Variants in TRPM5 observed in about 807,000 individuals in gnomAD.
TRPM5 encodes the protein transient receptor potential cation channel subfamily M member 5.
Under a neutral mutation model 124.9 loss-of-function variants are expected in TRPM5, and 121 were observed. The ratio of observed to expected loss-of-function variants is 0.97; its 90% CI spans 0.84 to 1.13. The LOEUF is 1.13. Ranked by LOEUF, TRPM5 falls within the 50% of genes most tolerant of loss-of-function variation. The pLI is 0.00. For missense variants in TRPM5, 1,643 were observed against 1,589.1 expected (o/e 1.03, Z -0.58); for synonymous variants, 781 against 700.5 (o/e 1.11, Z -1.81).
chr11:2,434,540 AGTGT>A, the TRPM5 span, among the ~76,000 whole-genome samples: 3 of 130,780 alleles, frequency 2.3e-5, no homozygotes, highest in African/African-American at 6.0e-5. Flanking sequence ...GCTGTGTATG[AGTGT>A]GTGTGAGTGT....
At chr11:2,419,622 C>CAAAAAAAAAAA (rs3986606) in intron 4 of TRPM5, among the ~76,000 whole-genome samples, 1 of 126,918 alleles carries the variant, frequency 7.9e-6, no homozygotes, top group African/African-American at 2.8e-5. Context: ...GATTCTGCCT[C>CAAAAAAAAAAA]AAAAAAAAAA....
intron 2 of TRPM5, 67 bp downstream of exon 7, chr11:2,422,073 CG>C: frequency 6.9e-7 from 1 of 1,447,728 alleles, no homozygotes; most frequent in Non-Finnish European, 9.1e-7. Flanking sequence ...TGCCGGGTTG[CG>C]GGGACAGTCA....
chr11:2,430,920 G>C, the TRPM5 span, among the ~76,000 whole-genome samples: 3 of 151,900 alleles, frequency 2.0e-5, no homozygotes, highest in Non-Finnish European at 2.9e-5. Flanking sequence ...GGTTTTGGTG[G>C]TGGTGATGGA....
In TRPM5 at chr11:2,407,103, TTGTGCTCGGCCTCACCCAGGTGCTCCC is replaced by T; in HGVS notation, c.3107_3118+15del. 1.9e-6 allele frequency: 2 copies of T among 1,053,534 alleles called. No homozygotes were observed. The highest frequency in any genetic ancestry group is 6.7e-5 in the East Asian group (1 of 15,020). The allele number at this position is 1,053,534 out of a possible 1,614,324, so 65.3% of individuals were successfully genotyped here. Reference sequence around the variant, plus strand: ...CTCGGCCTCACCCAGGTGCTCCCGCTTGTGCTCGGCCTCACCCAGGTGCTCCCGCTTGTGCTCAGCCTCCTTCTTGAA... The same window carrying T: ...CTCGGCCTCACCCAGGTGCTCCCGCTGCTTGTGCTCAGCCTCCTTCTTGAA... On this transcript the variant is annotated splice_donor_variant and splice_donor_5th_base_variant and coding_sequence_variant and intron_variant, in exon 20 of 24. Coordinates refer to ENST00000155858, the Ensembl canonical transcript of TRPM5. LOFTEE classifies it high-confidence loss of function.
intron 7 of TRPM5, 124 bp downstream of exon 12, chr11:2,417,603 T>C (rs1845704073): frequency 1.4e-6 from 1 of 691,470 alleles, no homozygotes; most frequent in African/African-American, 1.8e-5. Context: ...TCATGTGTCA[T>C]CTTTCCTGGG....
At chr11:2,416,206 G>T (rs914984989) in intron 7 of TRPM5, among the ~76,000 whole-genome samples, 182 bp from the exon 13 acceptor site, 2 of 152,222 alleles carry the variant, frequency 1.3e-5, no homozygotes, top group Non-Finnish European at 2.9e-5. Flanking sequence ...TGTACAAACC[G>T]CAGGAGAAAG....
intron 20 of TRPM5, 48 bp from the exon 26 acceptor site, chr11:2,406,841 A>G: frequency 6.3e-7 from 1 of 1,585,032 alleles, no homozygotes; most frequent in Non-Finnish European, 8.6e-7. Context: ...TGTGGGCGTC[A>G]GTGGCAGAGC....
exon 1 of TRPM5, chr11:2,422,974 C>T (rs2133537359): frequency 2.5e-6 from 4 of 1,613,020 alleles, no homozygotes; most frequent in Non-Finnish European, 3.4e-6. Context: ...TGTGCAAGCC[C>T]AGCTCCCGCC....
chr11:2,406,911 G>T, intron 20 of TRPM5, 118 bp from the exon 26 acceptor site: 1 of 1,449,256 alleles, frequency 6.9e-7, no homozygotes, highest in Non-Finnish European at 9.2e-7. Context: ...GCCCAGCCAG[G>T]GATGGAGGGC....
the TRPM5 span, among the ~76,000 whole-genome samples, chr11:2,441,397 A>C: frequency 6.7e-6 from 1 of 148,750 alleles, no homozygotes; most frequent in South Asian, 2.2e-4. The surrounding 1 kb of genome is among the most constrained non-coding windows in gnomAD (Gnocchi z 7.2). Flanking sequence ...ATCCACCCTT[A>C]CTCCCCCACC....
chr11:2,404,456 T>TCA (rs1367997716), downstream of TRPM5: 1 of 154,486 alleles, frequency 6.5e-6, no homozygotes, highest in African/African-American at 2.4e-5. Flanking sequence ...CAGGAGCCAG[T>TCA]CACCTGAGCC....
chr11:2,421,230 GCACGCCCCAGGTCTTCCCTAGCTGGCCC>G (rs930283021), intron 2 of TRPM5, 32 bp from the exon 8 acceptor site: 45 of 1,522,686 alleles, frequency 3.0e-5, no homozygotes, highest in African/African-American at 4.2e-5. Context: ...TCGTTGTGCC[GCACGCCCCAGGTCTTCCCTAGCTGGCCC>G]CACGCCCTAA....
intron 3 of TRPM5, 21 bp from the exon 9 acceptor site, chr11:2,420,426 G>C (rs775882072): frequency 6.9e-6 from 11 of 1,586,360 alleles, no homozygotes; most frequent in African/African-American, 1.4e-5. Flanking sequence ...GCAGGGAGAC[G>C]AGGCTGAGCC....
At chr11:2,442,376 T>TACAC in the TRPM5 span, among the ~76,000 whole-genome samples, 3,173 of 141,196 alleles carry the variant, frequency 0.022, 35 homozygotes, top group South Asian at 0.026. The surrounding 1 kb of genome is among the most constrained non-coding windows in gnomAD (Gnocchi z 5.9). Context: ...CATTCTTTGA[T>TACAC]ACACACACAC....
chr11:2,418,162 C>T lies in TRPM5; in HGVS notation c.906+5G>A, dbSNP rs1220392317. On this transcript the variant is annotated splice_donor_5th_base_variant and intron_variant, in intron 6 of 23. Transcript: ENST00000155858. ...CGGGAGGACAGGGGAGGGGGCAGCA[C>T]ATACCAGCTTGGTCCAGCGCACGAT... is the stretch of plus-strand genomic sequence containing the variant. 2 of 1,557,150 alleles carry T rather than the reference C, an allele frequency of 1.3e-6. No homozygotes were observed. The highest frequency in any genetic ancestry group is 8.7e-7 in the Non-Finnish European group (1 of 1,146,770).
chr11:2,420,518 G>C, intron 3 of TRPM5, 113 bp from the exon 9 acceptor site: 5 of 1,106,410 alleles, frequency 4.5e-6, no homozygotes, highest in Non-Finnish European at 6.3e-6. Context: ...CCCCGCACAA[G>C]GCTTCTGCCC....
At chr11:2,405,722 C>A in intron 22 of TRPM5, 129 bp from the exon 28 acceptor site, 6 of 1,040,188 alleles carry the variant, frequency 5.8e-6, no homozygotes, top group Non-Finnish European at 8.6e-6. Context: ...TGAGAGCTGC[C>A]GCTCACAGGC....
intron 4 of TRPM5, 129 bp downstream of exon 9, chr11:2,420,093 A>G (rs967917000): frequency 1.9e-6 from 2 of 1,060,378 alleles, no homozygotes; most frequent in East Asian, 2.6e-5. Context: ...GTGCTCAGGC[A>G]TGCGGGGTGC....
At chr11:2,414,025 C>T in intron 12 of TRPM5, 36 bp downstream of exon 17, 1 of 1,541,630 alleles carries the variant, frequency 6.5e-7, no homozygotes, top group South Asian at 1.2e-5. Context: ...CCACCCCACC[C>T]CCTGGCAGCT....
Sources: gnomAD v4.1 joint callset for allele counts (sites outside exome capture counted in the v4.1 genomes callset) on GRCh38, gnomAD v4.1.1 for gene constraint, Gnocchi (gnomAD v3.1) non-coding constraint, MANE v1.5 for transcripts, NCBI Gene and HGNC (gene_info 2026-07-23, HGNC 2026-07-21) for gene names.